CPS1: variants seen among roughly 807,000 people sequenced by gnomAD.
CPS1 encodes carbamoyl-phosphate synthase [ammonia], mitochondrial.
In CPS1, 109 loss-of-function variants were observed where a neutral mutation model predicts 174.6. The ratio of observed to expected loss-of-function variants is 0.62; its 90% CI spans 0.53 to 0.73. CPS1 has a LOEUF of 0.73. CPS1 is among the 30% of genes least tolerant of loss of function. The pLI, the probability that CPS1 is intolerant of heterozygous loss-of-function variation, is 0.00. For synonymous variants in CPS1, 637 were observed against 632.0 expected, an observed-to-expected ratio of 1.01 and a Z score of -0.12; for missense variants, 1,689 against 1,821.9, an observed-to-expected ratio of 0.93 and a Z score of 1.33.
intron 21 of CPS1, among the ~76,000 whole-genome samples, chr2:210,620,043 C>G (rs1301784789): frequency 6.6e-6 from 1 of 151,874 alleles, no homozygotes; most frequent in African/African-American, 2.4e-5. Flanking sequence ...TGTAACAAGC[C>G]TGCATGTTCT....
intron 33 of CPS1, among the ~76,000 whole-genome samples, chr2:210,666,399 C>G (rs1701098144): frequency 2.0e-5 from 3 of 151,178 alleles, no homozygotes; most frequent in Admixed American, 2.0e-4. Flanking sequence ...GAAGTCCTTG[C>G]CCATGCCTAT....
At chr2:210,555,608 T>A (rs1696888601), upstream of CPS1, 2 of 455,600 alleles carry the variant, frequency 4.4e-6, no homozygotes, top group Non-Finnish European at 8.8e-6. Flanking sequence ...AAGCTTACAA[T>A]CTTTATGTCA....
At chr2:210,551,533 C>G (rs1574513958) in intron 1 of CPS1, among the ~76,000 whole-genome samples, 1 of 151,818 alleles carries the variant, frequency 6.6e-6, no homozygotes, top group Non-Finnish European at 1.5e-5. Context: ...AACTTGTTCT[C>G]CTTAAGGTGT....
At chr2:210,611,738 G>A (rs1188392276) in intron 19 of CPS1, among the ~76,000 whole-genome samples, 1 of 151,676 alleles carries the variant, frequency 6.6e-6, no homozygotes, top group Non-Finnish European at 1.5e-5. Context: ...CTTTTTATTT[G>A]CCTTCCATTC....
chr2:210,579,379 G>A (rs1210365634), intron 4 of CPS1, among the ~76,000 whole-genome samples: 3 of 152,094 alleles, frequency 2.0e-5, no homozygotes, highest in African/African-American at 7.2e-5. Flanking sequence ...CTCAAAACAT[G>A]GATTTGCATA....
chr2:210,602,206 A>C lies in CPS1; in HGVS notation c.1712A>C (p.Glu571Ala). Residue 571 changes from glutamate (E) to alanine (A), a missense_variant, in exon 16 of 38, where the codon GAG (glutamate) becomes GCG (alanine). Transcript: ENST00000233072. Reference protein sequence around the residue: ...IAPSFAVESIEDALKAADTIG... With the variant: ...IAPSFAVESIADALKAADTIG... ...AGTCCTTGTTCTTGTTGACAGATTG[A>C]GGATGCACTGAAGGCAGCAGACACC... The C allele has an allele frequency of 6.2e-7, 1 of 1,612,234 alleles. No homozygotes were observed.
chr2:210,502,987 C>A (rs929108174), intron 1 of CPS1, among the ~76,000 whole-genome samples: 1 of 152,062 alleles, frequency 6.6e-6, no homozygotes, highest in African/African-American at 2.4e-5. Context: ...GGCAGAAGAC[C>A]CAGGCACTGA....
At chr2:210,657,033 A>G (rs114237550) in intron 30 of CPS1, among the ~76,000 whole-genome samples, 167 of 152,028 alleles carry the variant, frequency 1.1e-3, no homozygotes, top group African/African-American at 3.7e-3. Flanking sequence ...GAGAACTGCT[A>G]CTCCTGGGGA....
rs1050887717 is a variant in CPS1, at chr2:210,579,944, T to G, written c.528+174T>G. Reference sequence around the variant, plus strand: ...TGTTTTACTATTTTCACTGTAATTTTCAAGATTGAATACTTGATTGGTATG... The same window carrying G: ...TGTTTTACTATTTTCACTGTAATTTGCAAGATTGAATACTTGATTGGTATG... On this transcript the variant is annotated intron_variant, in intron 5 of 37. Transcript: ENST00000233072. 6 of 634,064 alleles carry G rather than the reference T, an allele frequency of 9.5e-6. No individual in the cohort carries two copies. In the African/African-American group the frequency reaches 1.1e-4, roughly 12 times the overall value. 39.3% of individuals were successfully genotyped at this position (634,064 alleles called of 1,614,324 possible).
At chr2:210,580,183 G>A (rs542663133) in intron 5 of CPS1, among the ~76,000 whole-genome samples, 1 of 152,230 alleles carries the variant, frequency 6.6e-6, no homozygotes, top group Admixed American at 6.5e-5. Context: ...GTACAGCATT[G>A]TTACTGTTAT....
At chr2:210,541,595 T>A (rs530400991) in intron 1 of CPS1, among the ~76,000 whole-genome samples, 1 of 152,184 alleles carries the variant, frequency 6.6e-6, no homozygotes, top group South Asian at 2.1e-4. Flanking sequence ...TCAGTTGTGC[T>A]GACTAAGAGA....
intron 1 of CPS1, among the ~76,000 whole-genome samples, chr2:210,550,811 A>G (rs1559071973): frequency 1.3e-5 from 2 of 151,854 alleles, no homozygotes; most frequent in Admixed American, 1.3e-4. Context: ...TTACACAAGA[A>G]TAATAATTAT....
At chr2:210,570,281 T>C (rs539851289) in intron 1 of CPS1, among the ~76,000 whole-genome samples, 1 of 152,042 alleles carries the variant, frequency 6.6e-6, no homozygotes, top group East Asian at 1.9e-4. Context: ...AAAGACATAT[T>C]GAACACAATC....
At chr2:210,642,407 T>A in intron 24 of CPS1, 77 bp from the exon 25 acceptor site, 2 of 1,517,176 alleles carry the variant, frequency 1.3e-6, no homozygotes, top group Non-Finnish European at 1.8e-6. Context: ...GACTGACTGG[T>A]GATACATTTC....
intron 9 of CPS1, 68 bp downstream of exon 9, chr2:210,590,974 G>T: frequency 8.4e-7 from 1 of 1,184,218 alleles, no homozygotes; most frequent in East Asian, 2.5e-5. Flanking sequence ...AAAGAACTCA[G>T]AGCACTTACC....
chr2:210,623,900 A>G (rs978616043), intron 21 of CPS1, among the ~76,000 whole-genome samples: 2 of 152,096 alleles, frequency 1.3e-5, no homozygotes, highest in African/African-American at 4.8e-5. Flanking sequence ...AGTGTCACCT[A>G]AGAGTTGTTG....
rs187242230 is a variant in CPS1 at position 210,649,771 on chromosome 2, T to C, written c.3405-592T>C. On this transcript the variant is annotated intron_variant, in intron 27 of 37. Coordinates refer to ENST00000233072, the MANE Select transcript of CPS1 (RefSeq NM_001875.5). ...CAACCCATTTTGCAAATGTCAAAAT[T>C]CAGAGTAAATTGATTTCAGATAGCA... Among the ~76,000 whole-genome samples, 135 of 152,328 alleles carry C rather than the reference T, an allele frequency of 8.9e-4. 1 individual carries two copies. Among genetic ancestry groups the C allele is most frequent in the Non-Finnish European group, 1.4e-3 (96 of 68,026 alleles).
At chr2:210,640,369 T>C (rs551013679) in intron 24 of CPS1, among the ~76,000 whole-genome samples, 1 of 152,298 alleles carries the variant, frequency 6.6e-6, no homozygotes, top group African/African-American at 2.4e-5. Context: ...TTTTGACCTG[T>C]TATCTTCTAG....
chr2:210,649,287 G>T (rs997722681), intron 27 of CPS1, among the ~76,000 whole-genome samples: 23 of 152,176 alleles, frequency 1.5e-4, no homozygotes, highest in African/African-American at 5.3e-4. Flanking sequence ...CTACCTGTTT[G>T]AGGAGTTAAT....
Sources: gnomAD v4.1 joint callset for allele counts (sites outside exome capture counted in the v4.1 genomes callset) on GRCh38, gnomAD v4.1.1 for gene constraint, MANE v1.5 for transcripts, NCBI Gene and HGNC (gene_info 2026-07-23, HGNC 2026-07-21) for gene names.